The following NIPBL variants were observed in gnomAD, a reference collection of about 807,000 sequenced individuals.
NIPBL encodes the protein nipped-B-like protein.
NIPBL carries 19 observed loss-of-function variants against 321.8 expected under a neutral mutation model. The ratio of observed to expected loss-of-function variants is 0.06; its 90% CI spans 0.04 to 0.09. The LOEUF (loss-of-function observed/expected upper bound fraction) is 0.09. NIPBL is among the 10% of genes least tolerant of loss of function. The pLI is 1.00. For missense variants in NIPBL, 2,210 were observed against 3,327.0 expected (o/e 0.66, Z 8.26); for synonymous variants, 1,106 against 1,114.1 (o/e 0.99, Z 0.14).
At chr5:36,910,276 A>T (rs1747948391) in intron 1 of NIPBL, among the ~76,000 whole-genome samples, 1 of 152,132 alleles carries the variant, frequency 6.6e-6, no homozygotes, top group Admixed American at 6.6e-5. Flanking sequence ...TCCTCCCATC[A>T]TTTTCCTTCA....
intron 16 of NIPBL, among the ~76,000 whole-genome samples, chr5:37,003,617 T>C (rs1217231022): frequency 2.6e-5 from 4 of 152,206 alleles, no homozygotes; most frequent in Non-Finnish European, 4.4e-5. Flanking sequence ...ATAGTATCCA[T>C]GGCATGCACT....
chr5:36,890,567 C>G (rs947458133), intron 1 of NIPBL, among the ~76,000 whole-genome samples: 4 of 152,112 alleles, frequency 2.6e-5, no homozygotes, highest in African/African-American at 9.7e-5. Flanking sequence ...ACAGTTGTGG[C>G]TTTTCAAACG....
intron 6 of NIPBL, among the ~76,000 whole-genome samples, chr5:36,968,295 CTT>C (rs577703471): frequency 2.2e-4 from 33 of 152,084 alleles, no homozygotes; most frequent in South Asian, 6.2e-4. Context: ...ACATTTAAAA[CTT>C]TTCACTGAAT....
At chr5:36,897,202 C>T (rs547166711) in intron 1 of NIPBL, among the ~76,000 whole-genome samples, 1 of 151,854 alleles carries the variant, frequency 6.6e-6, no homozygotes, top group Admixed American at 6.6e-5. Flanking sequence ...TGGGGTTTCA[C>T]TATGTTGGCC....
In NIPBL at chr5:37,027,429, C is replaced by G. The variant is rs1247891638; in HGVS notation, c.5862+17C>G. ...CTTCAAAACGTGAGTGTTCTTTTGA[C>G]TCCTGATAACCTAAAATTTAATAGG... On this transcript the variant is annotated intron_variant, in intron 32 of 46. Transcript: ENST00000282516. 6.3e-7 allele frequency: 1 copy of G among 1,599,054 alleles called. No homozygotes were observed. Among genetic ancestry groups the G allele is most frequent in the Non-Finnish European group, 8.6e-7 (1 of 1,167,584 alleles).
At position 36,877,194 on chromosome 5, in the gene NIPBL, T is replaced by G. The variant is rs1456722762; in HGVS notation, c.-80+16T>G. On this transcript the variant is annotated intron_variant, in intron 1 of 46. Coordinates refer to ENST00000282516, the MANE Select transcript of NIPBL (RefSeq NM_133433.4). ...ATTCGCCCAGGTAAATTCCTGCTCTTTATTTCGGCGGCGGCGGCGGCGGCG... is the reference window on the plus strand; with the variant it reads ...ATTCGCCCAGGTAAATTCCTGCTCTGTATTTCGGCGGCGGCGGCGGCGGCG... 1 of 222,142 alleles carries G rather than the reference T, an allele frequency of 4.5e-6. No homozygotes were observed. Among genetic ancestry groups the G allele is most frequent in the East Asian group, 9.8e-5 (1 of 10,182 alleles). The allele number at this position is 222,142 out of a possible 1,614,324, so 13.8% of individuals were successfully genotyped here.
chr5:36,967,623 A>G (rs1179046920), intron 6 of NIPBL, among the ~76,000 whole-genome samples: 1 of 152,196 alleles, frequency 6.6e-6, no homozygotes, highest in African/African-American at 2.4e-5. Context: ...ATGAACATTC[A>G]TGTCCTGTTC....
intron 42 of NIPBL, among the ~76,000 whole-genome samples, chr5:37,055,114 C>T (rs1482173096): frequency 2.0e-5 from 3 of 151,828 alleles, no homozygotes; most frequent in African/African-American, 4.8e-5. Flanking sequence ...TTGGGGAGGC[C>T]GAGGCAGATG....
At chr5:37,038,189 C>T (rs983386678) in intron 33 of NIPBL, among the ~76,000 whole-genome samples, 2 of 151,960 alleles carry the variant, frequency 1.3e-5, no homozygotes, top group African/African-American at 4.8e-5. Context: ...GCAGTTTTTG[C>T]GTGTTGTCCA....
At chr5:36,929,907 T>A (rs1240057964) in intron 1 of NIPBL, among the ~76,000 whole-genome samples, 1 of 152,110 alleles carries the variant, frequency 6.6e-6, no homozygotes, top group African/African-American at 2.4e-5. Flanking sequence ...GATTTATTTC[T>A]GGACTCTAGA....
At position 36,996,385 on chromosome 5, in the gene NIPBL, T is replaced by G; in HGVS notation, c.3304+581T>G. 1 of 456,420 alleles carries G rather than the reference T, an allele frequency of 2.2e-6. No homozygotes were observed. Among genetic ancestry groups the G allele is most frequent in the East Asian group, 7.0e-5 (1 of 14,388 alleles). 28.3% of individuals were successfully genotyped at this position (456,420 alleles called of 1,614,324 possible). A position where few individuals can be genotyped will look rare whatever the true frequency, so the allele number is the denominator to read the frequency against. ...TAAATTATGAATGGATTAGCCACAT[T>G]GCAGATTATCTGTGTGGTTTGGACC... On this transcript the variant is annotated intron_variant, in intron 11 of 46. Coordinates refer to ENST00000282516, the MANE Select transcript of NIPBL (RefSeq NM_133433.4). The surrounding 1 kb of genome is among the most constrained non-coding windows in gnomAD (Gnocchi z 5.0).
At chr5:36,887,636 A>T (rs1746016795) in intron 1 of NIPBL, among the ~76,000 whole-genome samples, 1 of 151,976 alleles carries the variant, frequency 6.6e-6, no homozygotes, top group African/African-American at 2.4e-5. Context: ...CTACCCCTTT[A>T]AATATTTGTA....
intron 1 of NIPBL, among the ~76,000 whole-genome samples, chr5:36,912,819 CT>C (rs1490757119): frequency 2.6e-5 from 4 of 151,914 alleles, no homozygotes; most frequent in Admixed American, 6.6e-5. Context: ...TTTTTAGAAC[CT>C]TTTTTTCACT....
chr5:36,990,890 A>G (rs918253842), intron 10 of NIPBL, among the ~76,000 whole-genome samples: 6 of 152,166 alleles, frequency 3.9e-5, no homozygotes, highest in African/African-American at 9.7e-5. Flanking sequence ...AGAAATAGGT[A>G]TATGATTTAA....
At chr5:36,986,549 A>G (rs1245043482) in intron 10 of NIPBL, among the ~76,000 whole-genome samples, 1 of 152,082 alleles carries the variant, frequency 6.6e-6, no homozygotes, top group Non-Finnish European at 1.5e-5. Context: ...CTATTTGGTT[A>G]CACAGAGATA....
At chr5:36,921,882 G>A (rs947913302) in intron 1 of NIPBL, among the ~76,000 whole-genome samples, 9 of 148,380 alleles carry the variant, frequency 6.1e-5, no homozygotes, top group African/African-American at 2.0e-4. Context: ...TTTGGTTTTG[G>A]GTTTTTTTTG....
chr5:36,934,900 T>G (rs1750042710), intron 1 of NIPBL, among the ~76,000 whole-genome samples: 1 of 152,142 alleles, frequency 6.6e-6, no homozygotes, highest in South Asian at 2.1e-4. Context: ...GAAAGAAGAT[T>G]GAGTCACAGA....
At position 36,877,103 on chromosome 5, in the gene NIPBL, C is replaced by T. The variant is rs563016602; in HGVS notation, c.-155C>T. On this transcript the variant is annotated 5_prime_UTR_variant, in exon 1 of 47. Transcript: ENST00000282516. ...ACGGAAGAGGAGCCGTAGCCACCCCCCCTCCCGGCCCGGATTATAGTCTCT... is the reference window on the plus strand; with the variant it reads ...ACGGAAGAGGAGCCGTAGCCACCCCTCCTCCCGGCCCGGATTATAGTCTCT... The T allele has an allele frequency of 1.2e-5, 4 of 346,526 alleles. No individual in the cohort carries two copies. The highest frequency in any genetic ancestry group is 4.5e-5 in the East Asian group (1 of 22,230). The allele number at this position is 346,526 out of a possible 1,614,324, so 21.5% of individuals were successfully genotyped here. A position where few individuals can be genotyped will look rare whatever the true frequency, so the allele number is the denominator to read the frequency against.
In NIPBL at chr5:36,943,538, A is replaced by G. The variant is rs185288272; in HGVS notation, c.-79-10080A>G. On this transcript the variant is annotated intron_variant, in intron 1 of 46. Coordinates refer to ENST00000282516, the MANE Select transcript of NIPBL (RefSeq NM_133433.4). ...CTGACAAGATGATTCTAAAATCCAT[A>G]TGTAACTATAAAAAAAAAACCCTAG... Among the ~76,000 whole-genome samples, 1,356 of 152,194 alleles carry G rather than the reference A, an allele frequency of 8.9e-3. 72 individuals are homozygous for G. Among genetic ancestry groups the G allele is most frequent in the Admixed American group, 0.083 (1,260 of 15,264 alleles).
Sources: gnomAD v4.1 joint callset for allele counts (sites outside exome capture counted in the v4.1 genomes callset) on GRCh38, gnomAD v4.1.1 for gene constraint, Gnocchi (gnomAD v3.1) non-coding constraint, MANE v1.5 for transcripts, NCBI Gene and HGNC (gene_info 2026-07-23, HGNC 2026-07-21) for gene names.